DAB1: variants seen among roughly 807,000 people sequenced by gnomAD.
The protein encoded by DAB1 is disabled homolog 1.
A neutral mutation model predicts 64.6 loss-of-function variants in DAB1; 15 were observed. The ratio of observed to expected loss-of-function variants is 0.23; its 90% CI spans 0.16 to 0.36. The LOEUF (loss-of-function observed/expected upper bound fraction) is 0.36, where lower values mean the gene tolerates loss of function less well. Among genes scored for constraint, DAB1 ranks in the 10% least tolerant of loss-of-function variants. DAB1 has a pLI of 1.00. For synonymous variants in DAB1, 235 were observed against 251.9 expected (o/e 0.93, Z 0.64); for missense variants, 596 against 706.7 (o/e 0.84, Z 1.78).
At chr1:58,423,704 T>C (rs770786221) in intron 3 of DAB1, among the ~76,000 whole-genome samples, 17 of 152,220 alleles carry the variant, frequency 1.1e-4, no homozygotes, top group Non-Finnish European at 1.9e-4. Context: ...CATCCTTCTA[T>C]GGCTACAGCT....
intron 4 of DAB1, among the ~76,000 whole-genome samples, chr1:58,174,595 G>T (rs770553562): frequency 6.6e-6 from 1 of 152,204 alleles, no homozygotes; most frequent in Non-Finnish European, 1.5e-5. Context: ...CTGTTTAGAG[G>T]GGGGATTGAG....
intron 1 of DAB1, among the ~76,000 whole-genome samples, chr1:57,828,616 G>A (rs1652458379): frequency 6.6e-6 from 1 of 152,194 alleles, no homozygotes; most frequent in East Asian, 1.9e-4. Context: ...TGTAGATACT[G>A]ACTTGGCTAA....
intron 7 of DAB1, among the ~76,000 whole-genome samples, chr1:57,601,151 A>C (rs1171385177): frequency 6.6e-6 from 1 of 152,186 alleles, no homozygotes; most frequent in Non-Finnish European, 1.5e-5. Flanking sequence ...GGAGGCTATC[A>C]GTTCATCCAC....
intron 3 of DAB1, among the ~76,000 whole-genome samples, chr1:58,345,943 C>CT (rs1643991741): frequency 6.6e-6 from 1 of 152,292 alleles, no homozygotes; most frequent in South Asian, 2.1e-4. Flanking sequence ...CCAAGAGCAG[C>CT]TTCCAGGGAC....
At chr1:57,572,835 C>G (rs534245560) in intron 7 of DAB1, among the ~76,000 whole-genome samples, 4 of 152,178 alleles carry the variant, frequency 2.6e-5, no homozygotes, top group Admixed American at 2.0e-4. Context: ...GAAGGGGGAG[C>G]AGACACATCA....
intron 2 of DAB1, among the ~76,000 whole-genome samples, chr1:58,520,007 C>CTA (rs1181087291): frequency 6.6e-6 from 1 of 152,102 alleles, no homozygotes; most frequent in Non-Finnish European, 1.5e-5. Flanking sequence ...AGTGATTAGC[C>CTA]TATTGCATGT....
chr1:57,643,048 A>G (rs1646149665), intron 7 of DAB1, among the ~76,000 whole-genome samples: 1 of 152,174 alleles, frequency 6.6e-6, no homozygotes, highest in African/African-American at 2.4e-5. Context: ...AACTTTGGCT[A>G]TTGTTCACAT....
chr1:57,020,900 A>T (rs1353240403), intron 11 of DAB1, among the ~76,000 whole-genome samples: 1 of 152,188 alleles, frequency 6.6e-6, no homozygotes, highest in Non-Finnish European at 1.5e-5. Context: ...CTGAATCAGG[A>T]TCCAAACCTG....
intron 1 of DAB1, among the ~76,000 whole-genome samples, chr1:57,415,123 G>A (rs1684391317): frequency 6.6e-6 from 1 of 152,046 alleles, no homozygotes; most frequent in Non-Finnish European, 1.5e-5. Context: ...TCATTAAAAA[G>A]CTATAATAAA....
At chr1:57,454,776 C>G (rs996486882) in intron 7 of DAB1, among the ~76,000 whole-genome samples, 2 of 151,966 alleles carry the variant, frequency 1.3e-5, no homozygotes, top group African/African-American at 4.8e-5. Context: ...GCTAAAGACC[C>G]CAGAAACCTT....
rs543879458 is a variant in DAB1, at chr1:58,376,335, T to C, written n.258-32932A>G. Among the ~76,000 whole-genome samples the C allele has an allele frequency of 1.5e-3, 212 of 139,294 alleles. 6 individuals carry two copies. In the Middle Eastern group the frequency reaches 0.034, roughly 22 times the overall value. The allele number at this position is 139,294 out of a possible 152,430, so 91.4% of individuals were successfully genotyped here. A position where few individuals can be genotyped will look rare whatever the true frequency, so the allele number is the denominator to read the frequency against. ...GCATTTAGTGCTATAAATTTCCCTCTACACACTGCTTTGAATGTGTCCCAG... is the reference window on the plus strand; with the variant it reads ...GCATTTAGTGCTATAAATTTCCCTCCACACACTGCTTTGAATGTGTCCCAG... On this transcript the variant is annotated intron_variant and non_coding_transcript_variant, in intron 3 of 20. Transcript: ENST00000485760.
At chr1:58,423,815 T>C (rs1455221511) in intron 3 of DAB1, among the ~76,000 whole-genome samples, 1 of 152,242 alleles carries the variant, frequency 6.6e-6, no homozygotes, top group Admixed American at 6.5e-5. Context: ...TGCTAACCCC[T>C]GAGTGCATCG....
intron 2 of DAB1, among the ~76,000 whole-genome samples, chr1:57,241,650 T>A (rs1009404435): frequency 1.3e-5 from 2 of 152,154 alleles, no homozygotes; most frequent in African/African-American, 4.8e-5. Flanking sequence ...TTGCTCCTCA[T>A]CTGGAATGGG....
rs1326255767 is a variant in DAB1 at position 56,996,338 on chromosome 1, C to T, written c.*1806G>A. The T allele has an allele frequency of 1.3e-5, 2 of 152,206 alleles. No individual in the cohort carries two copies. Among genetic ancestry groups the T allele is most frequent in the Non-Finnish European group, 2.9e-5 (2 of 68,040 alleles). The allele number at this position is 152,206 out of a possible 1,614,324, so 9.4% of individuals were successfully genotyped here. ...TAAAGTTTTCTTCTTAGTGTTAAAA[C>T]ACTTTCAACATACTGTAACTGCATA... On this transcript the variant is annotated 3_prime_UTR_variant, in exon 15 of 15. Transcript: ENST00000371236.
intron 3 of DAB1, among the ~76,000 whole-genome samples, chr1:58,393,593 T>C (rs1644494488): frequency 1.3e-5 from 2 of 152,178 alleles, no homozygotes; most frequent in South Asian, 4.1e-4. Flanking sequence ...TAGGAGAAAA[T>C]ATTATATTCA....
chr1:57,290,776 G>C (rs753307419), intron 2 of DAB1, among the ~76,000 whole-genome samples, 188 bp downstream of exon 2: 8 of 152,036 alleles, frequency 5.3e-5, no homozygotes, highest in Non-Finnish European at 1.0e-4. Context: ...GTGCAGAAAA[G>C]TTTTGGATTT....
chr1:57,856,181 G>A (rs1249934078), intron 1 of DAB1, among the ~76,000 whole-genome samples: 1 of 130,436 alleles, frequency 7.7e-6, no homozygotes, highest in East Asian at 2.2e-4. Context: ...CTAGAAAAGA[G>A]AAGAAGCTGG....
At chr1:57,261,393 C>G (rs2100556773) in intron 2 of DAB1, among the ~76,000 whole-genome samples, 1 of 152,116 alleles carries the variant, frequency 6.6e-6, no homozygotes, top group East Asian at 1.9e-4. Flanking sequence ...CGCCCCAATC[C>G]ACTTCGCCCC....
intron 5 of DAB1, among the ~76,000 whole-genome samples, chr1:57,919,195 G>A (rs1021373337): frequency 1.3e-5 from 2 of 152,166 alleles, no homozygotes; most frequent in African/African-American, 4.8e-5. Context: ...AGGAGGGTTG[G>A]GAGGGTTAAG....
Sources: allele counts gnomAD v4.1 joint callset (sites outside exome capture counted in the v4.1 genomes callset), GRCh38; gene constraint gnomAD v4.1.1; transcripts MANE v1.5; gene names NCBI Gene and HGNC (gene_info 2026-07-23, HGNC 2026-07-21).